Variants in SLCO1A2 observed in about 807,000 individuals in gnomAD.
SLCO1A2 encodes OATP-1.
Under a neutral mutation model 69.0 loss-of-function variants are expected in SLCO1A2, and 67 were observed. That is an observed-to-expected ratio of 0.97 (90% CI 0.80 to 1.19). The LOEUF (loss-of-function observed/expected upper bound fraction) is 1.19, where lower values mean the gene tolerates loss of function less well. Ranked by LOEUF, SLCO1A2 falls within the 50% of genes most tolerant of loss-of-function variation. The pLI, the probability that SLCO1A2 is intolerant of heterozygous loss-of-function variation, is 0.00. For synonymous variants in SLCO1A2, 260 were observed against 265.9 expected (o/e 0.98, Z 0.22); for missense variants, 787 against 793.7 (o/e 0.99, Z 0.10).
chr12:21,310,636 A>C (rs887617081), intron 4 of SLCO1A2, among the ~76,000 whole-genome samples: 5 of 152,096 alleles, frequency 3.3e-5, no homozygotes, highest in Non-Finnish European at 7.4e-5. Flanking sequence ...GAGTCTCGCT[A>C]TGTCGCCCAG....
At chr12:21,379,880 G>C (rs1461201517) in intron 1 of SLCO1A2, 1 of 152,102 alleles carries the variant, frequency 6.6e-6, no homozygotes, top group Non-Finnish European at 1.5e-5. Flanking sequence ...GGTGGTAAGT[G>C]GTAGCGGTAG....
At chr12:21,348,176 C>G (rs1216521497) in intron 2 of SLCO1A2, among the ~76,000 whole-genome samples, 1 of 152,082 alleles carries the variant, frequency 6.6e-6, no homozygotes, top group Non-Finnish European at 1.5e-5. Context: ...AGGCATGTAA[C>G]CTAAAATAAG....
intron 14 of SLCO1A2, among the ~76,000 whole-genome samples, chr12:21,270,171 T>G (rs1367980763): frequency 1.3e-5 from 2 of 151,846 alleles, no homozygotes; most frequent in African/African-American, 4.8e-5. Flanking sequence ...TTAGATGACC[T>G]TGATCAGATT....
intron 4 of SLCO1A2, among the ~76,000 whole-genome samples, chr12:21,307,344 TAAG>T (rs1249540819): frequency 5.3e-5 from 8 of 152,122 alleles, no homozygotes; most frequent in African/African-American, 1.9e-4. Context: ...AATGCATAAT[TAAG>T]AAGATAAATG....
chr12:21,286,156 CAA>C (rs1425421333), intron 12 of SLCO1A2, among the ~76,000 whole-genome samples: 1 of 142,676 alleles, frequency 7.0e-6, no homozygotes, highest in East Asian at 2.1e-4. Context: ...GCAACTTCAG[CAA>C]AGTCTCAGGA....
intron 12 of SLCO1A2, among the ~76,000 whole-genome samples, chr12:21,290,714 T>G (rs568470580): frequency 5.3e-5 from 8 of 152,030 alleles, no homozygotes; most frequent in Non-Finnish European, 8.8e-5. Context: ...GGGAATAAAA[T>G]TTAAGGGAAT....
intron 1 of SLCO1A2, among the ~76,000 whole-genome samples, chr12:21,384,998 C>T (rs1364131796): frequency 1.3e-5 from 2 of 152,066 alleles, no homozygotes; most frequent in African/African-American, 2.4e-5. Flanking sequence ...ATCTCCTGAC[C>T]TCGTCATCCG....
intron 12 of SLCO1A2, among the ~76,000 whole-genome samples, chr12:21,276,592 G>GCACT (rs1365717336): frequency 6.6e-6 from 1 of 151,142 alleles, no homozygotes; most frequent in African/African-American, 2.5e-5. Flanking sequence ...AATCAGGTGA[G>GCACT]CACTCACAAT....
chr12:21,291,098 C>T (rs1946770311), intron 12 of SLCO1A2, among the ~76,000 whole-genome samples: 1 of 152,136 alleles, frequency 6.6e-6, no homozygotes, highest in Non-Finnish European at 1.5e-5. Flanking sequence ...CATATTGACA[C>T]ATCAATGAGC....
intron 12 of SLCO1A2, among the ~76,000 whole-genome samples, chr12:21,289,548 G>A (rs1946502541): frequency 6.6e-6 from 1 of 152,110 alleles, no homozygotes; most frequent in Non-Finnish European, 1.5e-5. Flanking sequence ...GAGATTTGAT[G>A]AGCTTCTGAG....
chr12:21,304,625 G>C, intron 5 of SLCO1A2, 52 bp from the exon 6 acceptor site: 1 of 1,484,176 alleles, frequency 6.7e-7, no homozygotes, highest in Non-Finnish European at 9.2e-7. Context: ...TAAAGTGTCA[G>C]TAATATTAAT....
chr12:21,274,733 T>C, intron 13 of SLCO1A2, 147 bp from the exon 14 acceptor site: 1 of 726,748 alleles, frequency 1.4e-6, no homozygotes, highest in East Asian at 2.7e-5. Flanking sequence ...AAATGATGAG[T>C]TACTTTTACT....
chr12:21,351,778 C>CA (rs59221872), intron 2 of SLCO1A2, among the ~76,000 whole-genome samples: 17,779 of 128,536 alleles, frequency 0.14, 1,405 homozygotes, highest in East Asian at 0.45. Flanking sequence ...AATTCCGTCT[C>CA]AAAAAAAAAA....
chr12:21,354,756 C>T (rs1296233241), intron 2 of SLCO1A2, among the ~76,000 whole-genome samples: 1 of 152,016 alleles, frequency 6.6e-6, no homozygotes, highest in Non-Finnish European at 1.5e-5. Context: ...CTCATAACAA[C>T]CTTTCTTTCT....
chr12:21,412,994 G>A (rs971636204), intron 1 of SLCO1A2, among the ~76,000 whole-genome samples: 10 of 152,264 alleles, frequency 6.6e-5, no homozygotes, highest in East Asian at 3.9e-4. Flanking sequence ...ATGCCTAGAC[G>A]ATAGGGGACC....
At chr12:21,373,655 A>G (rs1259753597) in intron 2 of SLCO1A2, 1 of 701,680 alleles carries the variant, frequency 1.4e-6, no homozygotes, top group East Asian at 2.7e-5. Context: ...GGAATGGATA[A>G]TTCCAGTTTT....
intron 8 of SLCO1A2, among the ~76,000 whole-genome samples, chr12:21,299,057 CACA>C (rs1323607409): frequency 6.7e-6 from 1 of 148,730 alleles, no homozygotes; most frequent in Admixed American, 6.6e-5. Context: ...TTTACCTTCA[CACA>C]ACAATTCTAT....
rs201595119 is a variant in SLCO1A2 at position 21,303,226 on chromosome 12, AT to A, written c.589+1200del. Among the ~76,000 whole-genome samples, 644 of 152,276 alleles carry A rather than the reference AT, an allele frequency of 4.2e-3. 9 individuals are homozygous for A. The highest frequency in any genetic ancestry group is 0.015 in the African/African-American group (619 of 41,556). On this transcript the variant is annotated intron_variant, in intron 6 of 14. Coordinates refer to ENST00000683939, the MANE Select transcript of SLCO1A2 (RefSeq NM_001386879.1). ...TGGACCACATCATCCTCATTTTAAT[AT>A]GTATAGAGATTATCACAGCTACATT...
intron 11 of SLCO1A2, among the ~76,000 whole-genome samples, chr12:21,292,574 A>G (rs1004226596): frequency 6.6e-6 from 1 of 151,932 alleles, no homozygotes; most frequent in Non-Finnish European, 1.5e-5. Context: ...TACCCTAAAG[A>G]CACACTTTTT....
Sources: gnomAD v4.1 joint callset for allele counts (sites outside exome capture counted in the v4.1 genomes callset) on GRCh38, gnomAD v4.1.1 for gene constraint, MANE v1.5 for transcripts, NCBI Gene and HGNC (gene_info 2026-07-23, HGNC 2026-07-21) for gene names.